Variants in PCDHGB1 observed in about 807,000 individuals in gnomAD.
PCDHGB1 encodes the protein protocadherin gamma subfamily B, 1, also known as protocadherin gamma-B1.
A neutral mutation model predicts 56.6 loss-of-function variants in PCDHGB1; 34 were observed. That is an observed-to-expected ratio of 0.60 (90% CI 0.46 to 0.80). The LOEUF (loss-of-function observed/expected upper bound fraction) is 0.80, where lower values mean the gene tolerates loss of function less well. Among genes scored for constraint, PCDHGB1 ranks in the 30% least tolerant of loss-of-function variants. The pLI is 0.00. For synonymous variants in PCDHGB1, 561 were observed against 505.9 expected (o/e 1.11, Z -1.46); for missense variants, 1,278 against 1,204.6 (o/e 1.06, Z -0.90).
chr5:141,401,922 A>C (rs899426870), intron 1 of PCDHGB1, among the ~76,000 whole-genome samples: 10 of 152,194 alleles, frequency 6.6e-5, no homozygotes, highest in Non-Finnish European at 1.3e-4. Flanking sequence ...AGTTTAAGTG[A>C]TGCTTAGAAT....
chr5:141,396,893 A>G (rs1441946913), intron 1 of PCDHGB1, among the ~76,000 whole-genome samples: 2 of 152,226 alleles, frequency 1.3e-5, no homozygotes, highest in Non-Finnish European at 1.5e-5. Flanking sequence ...AGGACAACAT[A>G]TTATTGGCAC....
Position 141,370,437 on chromosome 5 carries a change from C to A in PCDHGB1, c.2409+17768C>A, listed in dbSNP as rs770648794. ...ATGGAGGGGCCCAGCAGGGCAGAGG[C>A]GAATGCTATTTCTCTTCCTGCTCTC... On this transcript the variant is annotated intron_variant, in intron 1 of 3. Coordinates refer to ENST00000523390, the MANE Select transcript of PCDHGB1 (RefSeq NM_018922.3). 1.6e-5 allele frequency: 26 copies of A among 1,603,674 alleles called. No individual in the cohort carries two copies. In the East Asian group the frequency reaches 5.6e-4, roughly 34 times the overall value.
At chr5:141,466,709 T>C (rs2099127779) in intron 1 of PCDHGB1, among the ~76,000 whole-genome samples, 1 of 152,212 alleles carries the variant, frequency 6.6e-6, no homozygotes, top group Non-Finnish European at 1.5e-5. Flanking sequence ...TGATGTCTGT[T>C]CTTGTTTCCA....
chr5:141,486,408 C>T lies in PCDHGB1; in HGVS notation c.2410-8399C>T. On this transcript the variant is annotated intron_variant, in intron 1 of 3. Coordinates refer to ENST00000523390, the MANE Select transcript of PCDHGB1 (RefSeq NM_018922.3). This position sits in a 1 kb window ranked among gnomAD's most constrained non-coding sequence, Gnocchi z 5.0. ...CAGTTCTCCCTGGTGACTGCTGGAC[C>T]CTTGGATCGAGAGGCCAAATCTAGC... is the stretch of plus-strand genomic sequence containing the variant. The T allele has an allele frequency of 1.2e-6, 2 of 1,614,156 alleles. No individual in the cohort carries two copies. Among genetic ancestry groups the T allele is most frequent in the South Asian group, 2.2e-5 (2 of 91,084 alleles).
chr5:141,486,391 C>T lies in PCDHGB1; in HGVS notation c.2410-8416C>T. The T allele has an allele frequency of 6.2e-7, 1 of 1,614,112 alleles. No individual in the cohort carries two copies. The highest frequency in any genetic ancestry group is 8.5e-7 in the Non-Finnish European group (1 of 1,179,984). Reference sequence around the variant, plus strand: ...AGTCTGCCTTCAGGAACCAGTTCTCCCTGGTGACTGCTGGACCCTTGGATC... The same window carrying T: ...AGTCTGCCTTCAGGAACCAGTTCTCTCTGGTGACTGCTGGACCCTTGGATC... On this transcript the variant is annotated intron_variant, in intron 1 of 3. Transcript: ENST00000523390. The surrounding 1 kb of genome is among the most constrained non-coding windows in gnomAD (Gnocchi z 5.0).
intron 1 of PCDHGB1, chr5:141,414,983 G>C: frequency 6.2e-7 from 1 of 1,613,716 alleles, no homozygotes; most frequent in Non-Finnish European, 8.5e-7. Context: ...AGAGACTCCG[G>C]CCAGAACGCC....
chr5:141,377,556 A>T (rs1171611330), intron 1 of PCDHGB1: 1 of 151,728 alleles, frequency 6.6e-6, no homozygotes, highest in African/African-American at 2.4e-5. Context: ...TAATTGTGTC[A>T]CTGCACCCTA....
chr5:141,394,060 C>G, intron 1 of PCDHGB1: 8 of 1,613,780 alleles, frequency 5.0e-6, no homozygotes, highest in Non-Finnish European at 5.9e-6. Context: ...GAAAATGTCT[C>G]TATCTACAAT....
In PCDHGB1 at chr5:141,409,379, A is replaced by G. The variant is rs376174246; in HGVS notation, c.2409+56710A>G. On this transcript the variant is annotated intron_variant, in intron 1 of 3. Transcript: ENST00000523390. ...TAATATAGAAACAGACATTCCATTC[A>G]AGATTTATTCTTCTTCCAATAACTA... is the stretch of plus-strand genomic sequence containing the variant. The G allele has an allele frequency of 1.5e-5, 25 of 1,613,926 alleles. No homozygotes were observed. The highest frequency in any genetic ancestry group is 2.0e-5 in the Non-Finnish European group (24 of 1,179,908).
At chr5:141,488,189 T>G (rs574621860) in intron 1 of PCDHGB1, among the ~76,000 whole-genome samples, 2 of 152,316 alleles carry the variant, frequency 1.3e-5, no homozygotes, top group Non-Finnish European at 2.9e-5. Context: ...TCTTTTGGTC[T>G]GGGTCTTAGG....
chr5:141,379,154 T>A (rs1446393150), intron 1 of PCDHGB1: 4 of 152,232 alleles, frequency 2.6e-5, no homozygotes, highest in Non-Finnish European at 5.9e-5. Context: ...GTAACCTGAC[T>A]TTGTCAGTCT....
At chr5:141,365,106 C>CTCT (rs1561533219) in intron 1 of PCDHGB1, 1 of 1,613,862 alleles carries the variant, frequency 6.2e-7, no homozygotes, top group South Asian at 1.1e-5. Flanking sequence ...CCTGTGGGCA[C>CTCT]TCGGCTGCTC....
At chr5:141,411,059 C>T (rs1384816111) in intron 1 of PCDHGB1, 1 of 156,328 alleles carries the variant, frequency 6.4e-6, no homozygotes, top group African/African-American at 2.4e-5. Context: ...ACTATGTCGA[C>T]CAGGCTGTTC....
intron 1 of PCDHGB1, among the ~76,000 whole-genome samples, chr5:141,454,731 G>T (rs1249851832): frequency 6.7e-6 from 1 of 150,262 alleles, no homozygotes; most frequent in Non-Finnish European, 1.5e-5. Context: ...ATATGTTATA[G>T]GATGAAAAGA....
At position 141,485,681 on chromosome 5, in the gene PCDHGB1, T is replaced by A; in HGVS notation, c.2410-9126T>A. The A allele has an allele frequency of 6.2e-7, 1 of 1,614,074 alleles. No homozygotes were observed. The highest frequency in any genetic ancestry group is 8.5e-7 in the Non-Finnish European group (1 of 1,179,966). ...TGTGGGGAGCAATTCGATTAGCAGC[T>A]ATAGGCTGAGCTCCAATGAACACTT... On this transcript the variant is annotated intron_variant, in intron 1 of 3. Transcript: ENST00000523390. The surrounding 1 kb of genome is among the most constrained non-coding windows in gnomAD (Gnocchi z 5.7).
At chr5:141,422,812 T>A in intron 1 of PCDHGB1, 1 of 1,614,206 alleles carries the variant, frequency 6.2e-7, no homozygotes, top group Non-Finnish European at 8.5e-7. Context: ...GTTTCGAGAC[T>A]TAGAACTGAG....
At chr5:141,357,096 G>C (rs1487734992) in intron 1 of PCDHGB1, 1 of 1,613,886 alleles carries the variant, frequency 6.2e-7, no homozygotes. Flanking sequence ...CACGGGCCCT[G>C]CTGGACAGAG....
Position 141,476,870 on chromosome 5 carries a change from C to T in PCDHGB1, c.2410-17937C>T, listed in dbSNP as rs2099400432. 3 of 1,613,772 alleles carry T rather than the reference C, an allele frequency of 1.9e-6. No individual in the cohort carries two copies. Among genetic ancestry groups the T allele is most frequent in the South Asian group, 1.1e-5 (1 of 91,094 alleles). On this transcript the variant is annotated intron_variant, in intron 1 of 3. Coordinates refer to ENST00000523390, the MANE Select transcript of PCDHGB1 (RefSeq NM_018922.3). The surrounding 1 kb of genome is among the most constrained non-coding windows in gnomAD (Gnocchi z 7.6). ...CTTCAACCAGTCCTTGTACCGGGCGCGCGTCCTGGAGGATGCACCCTCCGG... is the reference window on the plus strand; with the variant it reads ...CTTCAACCAGTCCTTGTACCGGGCGTGCGTCCTGGAGGATGCACCCTCCGG...
At chr5:141,443,131 A>C (rs1042010214) in intron 1 of PCDHGB1, among the ~76,000 whole-genome samples, 2 of 152,144 alleles carry the variant, frequency 1.3e-5, no homozygotes, top group African/African-American at 4.8e-5. Flanking sequence ...GATTAAGAAC[A>C]CTATCATAAG....
Sources: allele counts gnomAD v4.1 joint callset (sites outside exome capture counted in the v4.1 genomes callset), GRCh38; gene constraint gnomAD v4.1.1; non-coding constraint Gnocchi (gnomAD v3.1); transcripts MANE v1.5; gene names NCBI Gene and HGNC (gene_info 2026-07-23, HGNC 2026-07-21).